CHCHD7: variants seen among roughly 807,000 people sequenced by gnomAD.
CHCHD7 encodes the protein coiled-coil-helix-coiled-coil-helix domain containing 7, also known as coiled-coil-helix-coiled-coil-helix domain-containing protein 7.
In CHCHD7, 7 loss-of-function variants were observed where a neutral mutation model predicts 10.5. That is an observed-to-expected ratio of 0.67 (90% CI 0.38 to 1.25). The LOEUF is 1.25. Ranked by LOEUF, CHCHD7 falls within the 50% of genes most tolerant of loss-of-function variation. CHCHD7 has a pLI of 0.02. For missense variants in CHCHD7, 100 were observed against 104.5 expected, an observed-to-expected ratio of 0.96 and a Z score of 0.19; for synonymous variants, 40 against 36.0, an observed-to-expected ratio of 1.11 and a Z score of -0.40.
chr8:56,217,288 C>A (rs187491161), intron 3 of CHCHD7, 43 bp from the exon 4 acceptor site: 18 of 1,157,708 alleles, frequency 1.6e-5, no homozygotes, highest in African/African-American at 1.5e-4. Context: ...TAATACATGA[C>A]TGATTTTGGT....
At chr8:56,212,711 T>C (rs6474051) in intron 1 of CHCHD7, 484,541 of 620,290 alleles carry the variant, frequency 0.78, 190,262 homozygotes, top group East Asian at 0.94. Context: ...CTCGATGTTG[T>C]AATTCAGCCC....
chr8:56,213,449 TGGCGCGATCTC>T (rs950129739), intron 1 of CHCHD7: 7 of 152,044 alleles, frequency 4.6e-5, no homozygotes, highest in African/African-American at 1.7e-4. Flanking sequence ...TGGAGTGCAG[TGGCGCGATCTC>T]GGCTCACTGC....
rs1442286554 is a variant in CHCHD7 at position 56,218,757 on chromosome 8, CCTTTGAAGGTACAT to C, written c.*1323_*1336del. 5.2e-6 allele frequency: 1 copy of C among 192,510 alleles called. No homozygotes were observed. The highest frequency in any genetic ancestry group is 1.1e-5 in the Non-Finnish European group (1 of 92,212). The allele number at this position is 192,510 out of a possible 1,614,324, so 11.9% of individuals were successfully genotyped here. A position where few individuals can be genotyped will look rare whatever the true frequency, so the allele number is the denominator to read the frequency against. ...AAGGGCTTGGAATTTTAATGTCACTCCTTTGAAGGTACATACCAATATCAACATTCATCTTGTAA... is the reference window on the plus strand; with the variant it reads ...AAGGGCTTGGAATTTTAATGTCACTCACCAATATCAACATTCATCTTGTAA... On this transcript the variant is annotated 3_prime_UTR_variant, in exon 4 of 4. Coordinates refer to ENST00000355315, the MANE Select transcript of CHCHD7 (RefSeq NM_001011671.3).
Position 56,214,673 on chromosome 8 carries a change from A to T in CHCHD7, c.54+6A>T. On this transcript the variant is annotated splice_donor_region_variant and intron_variant, in intron 2 of 3. Coordinates refer to ENST00000355315, the MANE Select transcript of CHCHD7 (RefSeq NM_001011671.3). ...ACATAAATCCTTGTTTGTCGGTAGG[A>T]TGGTTTGCTTTAATTTTCATGAGTG... 5 of 1,612,512 alleles carry T rather than the reference A, an allele frequency of 3.1e-6. No homozygotes were observed. Among genetic ancestry groups the T allele is most frequent in the South Asian group, 1.1e-5 (1 of 90,986 alleles).
chr8:56,216,047 C>G (rs181182847), intron 2 of CHCHD7, among the ~76,000 whole-genome samples: 1 of 152,302 alleles, frequency 6.6e-6, no homozygotes, highest in Non-Finnish European at 1.5e-5. Context: ...AAGTGAAAAT[C>G]TGGAAAAACA....
At chr8:56,213,136 A>G (rs549698305) in intron 1 of CHCHD7, 28 of 353,090 alleles carry the variant, frequency 7.9e-5, no homozygotes, top group African/African-American at 4.8e-4. Context: ...GGAAGTGTGG[A>G]AAAAAATTGT....
At chr8:56,211,907 CG>C (rs1812979623) in intron 1 of CHCHD7, 70 bp downstream of exon 1, 1 of 152,394 alleles carries the variant, frequency 6.6e-6, no homozygotes, top group Non-Finnish European at 1.5e-5. Context: ...GCCCTTGGGC[CG>C]TAGCGGGGCC....
chr8:56,212,185 C>T (rs547774390), intron 1 of CHCHD7: 1 of 153,110 alleles, frequency 6.5e-6, no homozygotes, highest in East Asian at 1.9e-4. Flanking sequence ...GTGTGTTCAC[C>T]TGTGCGCGCC....
intron 1 of CHCHD7, chr8:56,213,926 C>T (rs145090691): frequency 5.3e-5 from 8 of 152,148 alleles, no homozygotes; most frequent in African/African-American, 1.9e-4. Context: ...TGGACTGTAC[C>T]GAATTTCATT....
intron 1 of CHCHD7, chr8:56,214,379 C>G: frequency 2.6e-6 from 1 of 382,276 alleles, no homozygotes; most frequent in Non-Finnish European, 4.8e-6. Flanking sequence ...CCAGTAGATG[C>G]ATTTCAATCC....
rs1336550406 is a variant in CHCHD7 at position 56,212,869 on chromosome 8, C to G, written c.-17+1032C>G. ...AAAGGAAATGAAATGTGAAGAAACT[C>G]ATGCACCAAACTCGAACTGGGTATA... On this transcript the variant is annotated intron_variant, in intron 1 of 3. Transcript: ENST00000355315. 5.6e-6 allele frequency: 9 copies of G among 1,609,104 alleles called. No homozygotes were observed. In the South Asian group the frequency reaches 9.9e-5, roughly 18 times the overall value.
Position 56,218,374 on chromosome 8 carries a change from G to A in CHCHD7, c.*939G>A. ...CCCTCCTTATGCCCACTGCCTTTTAGAATCGTTTGTTTTATTCATGGTAGT... is the reference window on the plus strand; with the variant it reads ...CCCTCCTTATGCCCACTGCCTTTTAAAATCGTTTGTTTTATTCATGGTAGT... On this transcript the variant is annotated 3_prime_UTR_variant, in exon 4 of 4. Transcript: ENST00000355315. The A allele has an allele frequency of 4.4e-6, 1 of 226,198 alleles. No individual in the cohort carries two copies. Among genetic ancestry groups the A allele is most frequent in the South Asian group, 1.8e-4 (1 of 5,446 alleles). The allele number at this position is 226,198 out of a possible 1,614,324, so 14.0% of individuals were successfully genotyped here. A position where few individuals can be genotyped will look rare whatever the true frequency, so the allele number is the denominator to read the frequency against.
chr8:56,214,709 A>G, intron 2 of CHCHD7, 42 bp downstream of exon 2: 1 of 1,497,606 alleles, frequency 6.7e-7, no homozygotes, highest in South Asian at 1.1e-5. Flanking sequence ...TTAAGTTGGA[A>G]AAACAGGCTG....
At chr8:56,215,872 T>G (rs888150618) in intron 2 of CHCHD7, among the ~76,000 whole-genome samples, 1 of 152,236 alleles carries the variant, frequency 6.6e-6, no homozygotes, top group Non-Finnish European at 1.5e-5. Context: ...TGAAGTAATA[T>G]CTATTAAAAT....
chr8:56,214,345 A>G, intron 1 of CHCHD7: 1 of 279,516 alleles, frequency 3.6e-6, no homozygotes, highest in Non-Finnish European at 6.8e-6. Flanking sequence ...TGCTGGGATT[A>G]CAGGCGTGAG....
chr8:56,213,695 C>T (rs1366150613), intron 1 of CHCHD7: 1 of 152,224 alleles, frequency 6.6e-6, no homozygotes, highest in Non-Finnish European at 1.5e-5. Context: ...TGGAAGATTA[C>T]TGAAGCACAG....
intron 2 of CHCHD7, 175 bp downstream of exon 2, chr8:56,214,842 A>G (rs1813250090): frequency 2.0e-6 from 1 of 494,918 alleles, no homozygotes; most frequent in Non-Finnish European, 3.6e-6. Flanking sequence ...AATTTCTCTA[A>G]CAAACATTCA....
chr8:56,216,467 A>G lies in CHCHD7; in HGVS notation c.89A>G (p.Asn30Ser). The G allele has an allele frequency of 2.5e-6, 4 of 1,614,154 alleles. No individual in the cohort carries two copies. Among genetic ancestry groups the G allele is most frequent in the Non-Finnish European group, 8.5e-7 (1 of 1,179,996 alleles). ...SDASTRCLDE[N>S]NYDRERCSTY... ...GCTTCCACCAGATGTCTGGATGAAAATAACTATGACAGGGAAAGGTGTTCC... is the reference window on the plus strand; with the variant it reads ...GCTTCCACCAGATGTCTGGATGAAAGTAACTATGACAGGGAAAGGTGTTCC... The change falls in exon 3 of 4, where the codon AAT (asparagine) becomes AGT (serine). Residue 30 changes from asparagine (N) to serine (S), a missense_variant. Physicochemically the swap from Asn to Ser is conservative, Grantham distance 46. Transcript: ENST00000355315.
At chr8:56,214,734 G>T in intron 2 of CHCHD7, 67 bp downstream of exon 2, 1 of 1,263,426 alleles carries the variant, frequency 7.9e-7, no homozygotes, top group South Asian at 1.2e-5. Flanking sequence ...AGTTTTGTGG[G>T]CCTTTGTTTT....
Sources: allele counts gnomAD v4.1 joint callset (sites outside exome capture counted in the v4.1 genomes callset), GRCh38; gene constraint gnomAD v4.1.1; transcripts MANE v1.5; gene names NCBI Gene and HGNC (gene_info 2026-07-23, HGNC 2026-07-21).